MEIS1: variants seen among roughly 807,000 people sequenced by gnomAD.
MEIS1 encodes the protein homeobox protein Meis1.
In MEIS1, 5 loss-of-function variants were observed where a neutral mutation model predicts 50.8. That is an observed-to-expected ratio of 0.10 (90% CI 0.05 to 0.21). MEIS1 has a LOEUF of 0.21. Ranked by LOEUF, MEIS1 falls within the 10% of genes least tolerant of loss-of-function variation. The pLI is 1.00. For missense variants in MEIS1, 318 were observed against 517.3 expected, an observed-to-expected ratio of 0.61 and a Z score of 3.74; for synonymous variants, 176 against 179.3, an observed-to-expected ratio of 0.98 and a Z score of 0.15.
chr2:66,480,636 G>A lies in MEIS1; in HGVS notation c.742+16416G>A, dbSNP rs544473356. ...CTGAAGATAGACAAGTCTTGGGTAC[G>A]TTTTTGTGAGAACAGACCCTTTGAA... On this transcript the variant is annotated intron_variant, in intron 7 of 12. Transcript: ENST00000272369. 2.2e-4 allele frequency among the ~76,000 whole-genome samples: 34 copies of A among 152,240 alleles called. 2 individuals carry two copies. The highest frequency in any genetic ancestry group is 7.8e-4 in the Admixed American group (12 of 15,292).
intron 7 of MEIS1, among the ~76,000 whole-genome samples, chr2:66,473,397 A>AAAAAAAAAAAAAATATATAT: frequency 1.9e-5 from 2 of 107,592 alleles, no homozygotes; most frequent in African/African-American, 5.8e-5. Flanking sequence ...AAAAAAAAAA[A>AAAAAAAAAAAAAATATATAT]ATATATATAT....
intron 7 of MEIS1, among the ~76,000 whole-genome samples, chr2:66,471,929 A>ATGCAT (rs1488613294): frequency 1.3e-5 from 2 of 152,210 alleles, no homozygotes; most frequent in Non-Finnish European, 2.9e-5. Flanking sequence ...TATTAATACC[A>ATGCAT]TGCATTGTAT....
chr2:66,527,809 A>G lies in MEIS1; in HGVS notation c.888+15515A>G, dbSNP rs542921821. ...AAACCTGCTTGTTATGTTACCCACC[A>G]TAAATCATGGCAAAACTTTAGGCCA... On this transcript the variant is annotated intron_variant, in intron 8 of 12. Transcript: ENST00000272369. 3.0e-4 allele frequency among the ~76,000 whole-genome samples: 45 copies of G among 152,302 alleles called. 1 individual carries two copies. The highest frequency in any genetic ancestry group is 1.0e-3 in the African/African-American group (42 of 41,566).
chr2:66,540,962 T>C (rs1160082836), intron 8 of MEIS1, among the ~76,000 whole-genome samples: 2 of 152,098 alleles, frequency 1.3e-5, no homozygotes, highest in East Asian at 3.8e-4. Context: ...TTCTATTTAA[T>C]TGATATTTAG....
In MEIS1 at chr2:66,509,277, A is replaced by G. The variant is rs149450615; in HGVS notation, c.743-2872A>G. Among the ~76,000 whole-genome samples the G allele has an allele frequency of 1.2e-3, 184 of 152,264 alleles. 3 individuals are homozygous for G. Among genetic ancestry groups the G allele is most frequent in the African/African-American group, 4.2e-3 (173 of 41,536 alleles). ...TTTTATTATGCTCTTCTCCTTCCCC[A>G]TCTTCTCCATTTCCCTAACTTGTGT... On this transcript the variant is annotated intron_variant, in intron 7 of 12. Transcript: ENST00000272369.
At chr2:66,533,158 G>A (rs187579246) in intron 8 of MEIS1, among the ~76,000 whole-genome samples, 9 of 152,070 alleles carry the variant, frequency 5.9e-5, no homozygotes, top group African/African-American at 1.4e-4. Flanking sequence ...CCCTTTTCTC[G>A]AGAGCACACT....
In MEIS1 at chr2:66,540,467, G is replaced by A. The variant is rs576084350; in HGVS notation, c.889-7476G>A. 7.2e-5 allele frequency among the ~76,000 whole-genome samples: 11 copies of A among 152,126 alleles called. No individual in the cohort carries two copies. The South Asian group carries it at 1.9e-3, about 26-fold the overall frequency. On this transcript the variant is annotated intron_variant, in intron 8 of 12. Transcript: ENST00000272369. ...TGGGATTACAGGCGCCTGACATCAC[G>A]CCCAGCTAATTTTTGTACTTTTAGT...
intron 10 of MEIS1, 146 bp from the exon 11 acceptor site, chr2:66,568,518 GAGA>G: frequency 2.9e-6 from 1 of 348,128 alleles, no homozygotes; most frequent in East Asian, 4.3e-5. Flanking sequence ...TCTAGTCTGA[GAGA>G]AATTTCACTT....
intron 7 of MEIS1, among the ~76,000 whole-genome samples, chr2:66,468,010 A>G (rs1672681172): frequency 6.6e-6 from 1 of 152,152 alleles, no homozygotes; most frequent in African/African-American, 2.4e-5. Context: ...TTATTTTCCC[A>G]TTTCACAGGA....
chr2:66,559,712 T>C (rs1675164192), intron 9 of MEIS1, among the ~76,000 whole-genome samples: 1 of 152,208 alleles, frequency 6.6e-6, no homozygotes, highest in Non-Finnish European at 1.5e-5. Context: ...ATCTATATTC[T>C]AAACCACTAT....
intron 8 of MEIS1, among the ~76,000 whole-genome samples, chr2:66,534,186 T>C (rs945201069): frequency 6.6e-6 from 1 of 152,202 alleles, no homozygotes; most frequent in Non-Finnish European, 1.5e-5. Flanking sequence ...CTGTGGGTTC[T>C]AAGGACTTAA....
intron 7 of MEIS1, among the ~76,000 whole-genome samples, chr2:66,465,905 T>G (rs915812760): frequency 6.6e-6 from 1 of 152,214 alleles, no homozygotes; most frequent in Non-Finnish European, 1.5e-5. Context: ...TCAACAAGTG[T>G]TCTCCAAAGG....
At chr2:66,550,662 A>T (rs1674897760) in intron 9 of MEIS1, among the ~76,000 whole-genome samples, 1 of 151,712 alleles carries the variant, frequency 6.6e-6, no homozygotes, top group African/African-American at 2.4e-5. Context: ...ATGCCCAGTT[A>T]ATTTTTTTTT....
At chr2:66,520,470 G>T (rs1432688399) in intron 8 of MEIS1, among the ~76,000 whole-genome samples, 1 of 150,512 alleles carries the variant, frequency 6.6e-6, no homozygotes, top group African/African-American at 2.4e-5. Context: ...GACAGAGAAA[G>T]ACTCCGTCTC....
At chr2:66,537,360 G>A (rs893167317) in intron 8 of MEIS1, among the ~76,000 whole-genome samples, 4 of 152,156 alleles carry the variant, frequency 2.6e-5, no homozygotes, top group African/African-American at 9.7e-5. Context: ...AACCTGATCA[G>A]CAGGTGTGGA....
chr2:66,438,019 C>T, intron 2 of MEIS1, 56 bp downstream of exon 2: 3 of 1,415,748 alleles, frequency 2.1e-6, no homozygotes. Context: ...CCCTCTTTCT[C>T]TGTGCCCTTG....
intron 6 of MEIS1, among the ~76,000 whole-genome samples, chr2:66,449,090 T>G (rs1030758696): frequency 6.6e-6 from 1 of 152,142 alleles, no homozygotes; most frequent in African/African-American, 2.4e-5. Context: ...TGGGAAAGTA[T>G]TCTTTTACAA....
rs1415880432 is a variant in MEIS1 at position 66,435,689 on chromosome 2, G to A, written c.-168G>A. The A allele has an allele frequency of 8.8e-6, 5 of 568,340 alleles. No homozygotes were observed. Among genetic ancestry groups the A allele is most frequent in the Non-Finnish European group, 1.5e-5 (5 of 338,442 alleles). The allele number at this position is 568,340 out of a possible 1,614,324, so 35.2% of individuals were successfully genotyped here. On this transcript the variant is annotated 5_prime_UTR_variant, in exon 1 of 13. Transcript: ENST00000272369. ...TTTGCTTCAGGTCCCGTAGACCGAAGATCTGGGACCAGTAGCTCACGTTGC... is the reference window on the plus strand; with the variant it reads ...TTTGCTTCAGGTCCCGTAGACCGAAAATCTGGGACCAGTAGCTCACGTTGC...
intron 7 of MEIS1, among the ~76,000 whole-genome samples, chr2:66,466,030 TA>T (rs1290230190): frequency 3.9e-5 from 6 of 152,244 alleles, no homozygotes; most frequent in Non-Finnish European, 5.9e-5. Context: ...GTCCAATACC[TA>T]GTTGTTTTTA....
Sources: allele counts gnomAD v4.1 joint callset (sites outside exome capture counted in the v4.1 genomes callset), GRCh38; gene constraint gnomAD v4.1.1; transcripts MANE v1.5; gene names NCBI Gene and HGNC (gene_info 2026-07-23, HGNC 2026-07-21).